The following COMMD10 variants were observed in gnomAD, a reference collection of about 807,000 sequenced individuals.
COMMD10 encodes the protein COMM domain-containing protein 10.
In COMMD10, 33 loss-of-function variants were observed where a neutral mutation model predicts 28.9. The observed-to-expected ratio is 1.14, with a 90% confidence interval of 0.87 to 1.53. The LOEUF (loss-of-function observed/expected upper bound fraction) is 1.53. COMMD10 is among the 40% of genes most tolerant of loss of function. COMMD10 has a pLI of 0.00. For missense variants in COMMD10, 310 were observed against 233.4 expected (o/e 1.33, Z -2.14); for synonymous variants, 110 against 81.7 (o/e 1.35, Z -1.87).
At chr5:116,118,018 A>G (rs939797466) in intron 4 of COMMD10, among the ~76,000 whole-genome samples, 1 of 152,138 alleles carries the variant, frequency 6.6e-6, no homozygotes, top group Non-Finnish European at 1.5e-5. Flanking sequence ...AAGGAACTAC[A>G]TGCCCTGTTG....
At chr5:116,277,617 C>CA (rs1341177694) in intron 5 of COMMD10, among the ~76,000 whole-genome samples, 6 of 151,932 alleles carry the variant, frequency 3.9e-5, no homozygotes, top group African/African-American at 1.5e-4. Flanking sequence ...ATGATAAACT[C>CA]ACTGCCCTTC....
rs550394437 is a variant in COMMD10, at chr5:116,230,836, T to C, written c.511-60681T>C. Among the ~76,000 whole-genome samples, 5 of 151,996 alleles carry C rather than the reference T, an allele frequency of 3.3e-5. No homozygotes were observed. In the East Asian group the frequency reaches 7.7e-4, roughly 23 times the overall value. ...TCCTTGAATCAGTCCAAATACATGA[T>C]ATATAGATAAATAATACGTGTGTGT... is the stretch of plus-strand genomic sequence containing the variant. On this transcript the variant is annotated intron_variant, in intron 5 of 6. Coordinates refer to ENST00000274458, the MANE Select transcript of COMMD10 (RefSeq NM_016144.4).
intron 5 of COMMD10, among the ~76,000 whole-genome samples, chr5:116,183,206 T>G (rs546177874): frequency 1.6e-4 from 25 of 152,118 alleles, no homozygotes; most frequent in Non-Finnish European, 3.4e-4. Flanking sequence ...GCATATAATA[T>G]CTAACATTAT....
At chr5:116,106,471 G>T (rs1750842995) in intron 4 of COMMD10, among the ~76,000 whole-genome samples, 1 of 152,184 alleles carries the variant, frequency 6.6e-6, no homozygotes, top group South Asian at 2.1e-4. Flanking sequence ...TTGATTTGGT[G>T]TGGAGAGTTC....
intron 5 of COMMD10, among the ~76,000 whole-genome samples, chr5:116,226,455 G>T (rs1226096666): frequency 1.4e-5 from 2 of 140,872 alleles, no homozygotes; most frequent in African/African-American, 2.6e-5. Context: ...TTATATTTCA[G>T]CTGATGGACT....
intron 5 of COMMD10, among the ~76,000 whole-genome samples, chr5:116,280,054 C>T (rs75148304): frequency 0.026 from 3,903 of 151,894 alleles, 235 homozygotes; most frequent in African/African-American, 0.089. Context: ...AGAACAATGA[C>T]ATGTTTCACT....
intron 4 of COMMD10, among the ~76,000 whole-genome samples, chr5:116,109,951 G>A (rs974212155): frequency 4.6e-5 from 7 of 152,106 alleles, no homozygotes; most frequent in East Asian, 1.9e-4. Flanking sequence ...CTTGTCCAAC[G>A]TTTTTGAGGA....
chr5:116,164,340 TAAAA>T (rs71752909), intron 5 of COMMD10, among the ~76,000 whole-genome samples: 16,346 of 150,694 alleles, frequency 0.11, 971 homozygotes, highest in African/African-American at 0.15. Flanking sequence ...AAAAATAAAA[TAAAA>T]AACCACTCTG....
chr5:116,166,161 C>CAATA (rs1753085792), intron 5 of COMMD10, among the ~76,000 whole-genome samples: 2 of 37,724 alleles, frequency 5.3e-5, no homozygotes, highest in African/African-American at 1.9e-4. Flanking sequence ...TGTCAAATGG[C>CAATA]GATAGTTGTT....
In COMMD10 at chr5:116,105,724, A is replaced by G. The variant is rs193108492; in HGVS notation, c.399+13024A>G. On this transcript the variant is annotated intron_variant, in intron 4 of 6. Coordinates refer to ENST00000274458, the MANE Select transcript of COMMD10 (RefSeq NM_016144.4). The stretch of plus-strand genomic sequence containing the variant: ...GTCCAGGAGTTTATCCATTTCTTCT[A>G]GATTTTCTAGTTTATTTGCGTAGAT... Among the ~76,000 whole-genome samples the G allele has an allele frequency of 1.9e-3, 289 of 152,224 alleles. 2 individuals carry two copies. The highest frequency in any genetic ancestry group is 6.6e-3 in the African/African-American group (273 of 41,536).
chr5:116,292,020 T>C (rs1427064586), intron 6 of COMMD10, among the ~76,000 whole-genome samples: 1 of 151,956 alleles, frequency 6.6e-6, no homozygotes, highest in African/African-American at 2.4e-5. Context: ...AACTTTAAAA[T>C]ATTATCAAGT....
rs931997163 is a variant in COMMD10 at position 116,292,909 on chromosome 5, G to A, written c.*420G>A. ...TTGGTAATTACATGAATAAAATTAAGAAAATAGCCATATACAATCAAATAC... is the reference window on the plus strand; with the variant it reads ...TTGGTAATTACATGAATAAAATTAAAAAAATAGCCATATACAATCAAATAC... On this transcript the variant is annotated 3_prime_UTR_variant, in exon 7 of 7. Transcript: ENST00000274458. The A allele has an allele frequency of 5.1e-6, 2 of 395,058 alleles. No homozygotes were observed. Among genetic ancestry groups the A allele is most frequent in the Non-Finnish European group, 4.5e-6 (1 of 223,948 alleles). 24.5% of individuals were successfully genotyped at this position (395,058 alleles called of 1,614,324 possible). A position where few individuals can be genotyped will look rare whatever the true frequency, so the allele number is the denominator to read the frequency against.
At chr5:116,172,159 T>C (rs1393480165) in intron 5 of COMMD10, among the ~76,000 whole-genome samples, 2 of 152,134 alleles carry the variant, frequency 1.3e-5, no homozygotes. Context: ...CTGTGTAGAA[T>C]GTTAAGGAAA....
At chr5:116,263,403 A>G (rs1750502216) in intron 5 of COMMD10, among the ~76,000 whole-genome samples, 1 of 151,784 alleles carries the variant, frequency 6.6e-6, no homozygotes. Flanking sequence ...TTTAACCCCA[A>G]AATATATTTC....
chr5:116,152,477 T>A (rs1235564691), intron 5 of COMMD10, among the ~76,000 whole-genome samples: 1 of 152,082 alleles, frequency 6.6e-6, no homozygotes, highest in Non-Finnish European at 1.5e-5. Context: ...TCATCCTCAA[T>A]TTTAATACTT....
chr5:116,125,446 TG>T, intron 4 of COMMD10, among the ~76,000 whole-genome samples: 1 of 152,304 alleles, frequency 6.6e-6, no homozygotes, highest in East Asian at 1.9e-4. Flanking sequence ...TTTCCCTTTG[TG>T]GGTAACCCGA....
At chr5:116,120,472 T>TA (rs1219995291) in intron 4 of COMMD10, among the ~76,000 whole-genome samples, 1 of 151,976 alleles carries the variant, frequency 6.6e-6, no homozygotes, top group East Asian at 1.9e-4. Context: ...TGTAAGCAAA[T>TA]ACCACCTGTA....
chr5:116,087,870 GT>G (rs1750160417), intron 2 of COMMD10, among the ~76,000 whole-genome samples: 1 of 152,112 alleles, frequency 6.6e-6, no homozygotes, highest in Admixed American at 6.5e-5. Flanking sequence ...TTCCAAATGT[GT>G]TTGACCTTGG....
intron 5 of COMMD10, among the ~76,000 whole-genome samples, chr5:116,199,559 T>C (rs1397056692): frequency 6.6e-6 from 1 of 151,678 alleles, no homozygotes; most frequent in Non-Finnish European, 1.5e-5. Context: ...ATGATTTGGA[T>C]CTGTTAGATC....
Sources: gnomAD v4.1 joint callset for allele counts (sites outside exome capture counted in the v4.1 genomes callset) on GRCh38, gnomAD v4.1.1 for gene constraint, MANE v1.5 for transcripts, NCBI Gene and HGNC (gene_info 2026-07-23, HGNC 2026-07-21) for gene names.